The following SLCO1B1 variants were observed in gnomAD, a reference collection of about 807,000 sequenced individuals.
SLCO1B1 encodes OATP-2.
Under a neutral mutation model 70.1 loss-of-function variants are expected in SLCO1B1, and 81 were observed. The ratio of observed to expected loss-of-function variants is 1.16; its 90% CI spans 0.97 to 1.39. The LOEUF (loss-of-function observed/expected upper bound fraction) is 1.39, where lower values mean the gene tolerates loss of function less well. SLCO1B1 is among the 40% of genes most tolerant of loss of function. The pLI is 0.00. For synonymous variants in SLCO1B1, 283 were observed against 271.5 expected, an observed-to-expected ratio of 1.04 and a Z score of -0.42; for missense variants, 895 against 799.6, an observed-to-expected ratio of 1.12 and a Z score of -1.44.
At position 21,222,323 on chromosome 12, in the gene SLCO1B1, C is replaced by A; in HGVS notation, c.1706C>A (p.Ser569Ter). ...AGAATTGTTCAACCTGAATTGAAATCACTTGCACTGGGTTTCCACTCAATG... is the reference window on the plus strand; with the variant it reads ...AGAATTGTTCAACCTGAATTGAAATAACTTGCACTGGGTTTCCACTCAATG... The part of the protein sequence containing the change: ...IVKIVQPELK[S>*]LALGFHSMVI... Residue 569 changes from serine (S) to a stop codon, truncating the protein, a stop_gained, in exon 13 of 15, where the codon TCA (serine) becomes TAA (stop). Coordinates refer to ENST00000256958, the MANE Select transcript of SLCO1B1 (RefSeq NM_006446.5). LOFTEE classifies it high-confidence loss of function. 3 of 1,245,248 alleles carry A rather than the reference C, an allele frequency of 2.4e-6. No homozygotes were observed. The highest frequency in any genetic ancestry group is 3.1e-6 in the Non-Finnish European group (3 of 954,062). The allele number at this position is 1,245,248 out of a possible 1,614,324, so 77.1% of individuals were successfully genotyped here.
chr12:21,135,406 A>G (rs1224381253), intron 1 of SLCO1B1, among the ~76,000 whole-genome samples: 4 of 152,014 alleles, frequency 2.6e-5, no homozygotes, highest in South Asian at 2.1e-4. Context: ...TTTCTGTCTC[A>G]TTGATCTGTC....
Position 21,217,315 on chromosome 12 carries a change from T to A in SLCO1B1, c.1682+12T>A. On this transcript the variant is annotated intron_variant, in intron 12 of 14. Transcript: ENST00000256958. ...ATGCTGATTGTTAAGTAAGTATGAC[T>A]TTTAAAAACATTTTCATATGCATGA... The A allele has an allele frequency of 6.2e-7, 1 of 1,608,208 alleles. No homozygotes were observed. Among genetic ancestry groups the A allele is most frequent in the Non-Finnish European group, 8.5e-7 (1 of 1,174,778 alleles).
intron 1 of SLCO1B1, among the ~76,000 whole-genome samples, chr12:21,138,489 A>G (rs1940259537): frequency 6.6e-6 from 1 of 152,238 alleles, no homozygotes. Context: ...CATTTAGTCA[A>G]GCATAAATTA....
At chr12:21,190,625 T>C (rs537351410) in intron 7 of SLCO1B1, among the ~76,000 whole-genome samples, 1 of 152,218 alleles carries the variant, frequency 6.6e-6, no homozygotes, top group African/African-American at 2.4e-5. Context: ...ACCTGAGTAA[T>C]GTACATTGTA....
At chr12:21,214,727 T>A (rs1326869403) in intron 11 of SLCO1B1, among the ~76,000 whole-genome samples, 1 of 152,142 alleles carries the variant, frequency 6.6e-6, no homozygotes, top group Non-Finnish European at 1.5e-5. Flanking sequence ...TCCATGGGCG[T>A]AGGACCCTCC....
chr12:21,234,963 G>A (rs181077515), intron 14 of SLCO1B1, among the ~76,000 whole-genome samples: 6 of 151,728 alleles, frequency 4.0e-5, no homozygotes, highest in African/African-American at 1.4e-4. Flanking sequence ...CTTAGAATGT[G>A]GTTAGTTTTA....
At chr12:21,214,803 T>G (rs921583281) in intron 11 of SLCO1B1, among the ~76,000 whole-genome samples, 2 of 152,146 alleles carry the variant, frequency 1.3e-5, no homozygotes, top group African/African-American at 4.8e-5. Flanking sequence ...AGCGCAGTAT[T>G]CGGGTGGGAG....
chr12:21,159,839 C>T (rs925133083), intron 2 of SLCO1B1, among the ~76,000 whole-genome samples: 17 of 151,540 alleles, frequency 1.1e-4, no homozygotes, highest in Admixed American at 3.9e-4. Flanking sequence ...ACAGCCAAAC[C>T]GAGAGCCAAA....
chr12:21,176,700 A>G, intron 4 of SLCO1B1, 76 bp from the exon 5 acceptor site: 2 of 1,162,248 alleles, frequency 1.7e-6, no homozygotes, highest in East Asian at 2.4e-5. Flanking sequence ...AAAGGGGAAT[A>G]TTTCTCTGTA....
At chr12:21,193,010 CT>C (rs1410512310) in intron 7 of SLCO1B1, among the ~76,000 whole-genome samples, 1 of 151,934 alleles carries the variant, frequency 6.6e-6, no homozygotes, top group Non-Finnish European at 1.5e-5. Context: ...AAATTTTCTA[CT>C]TTTCTTTTTG....
At chr12:21,231,748 A>C (rs1941541393) in intron 14 of SLCO1B1, among the ~76,000 whole-genome samples, 1 of 151,928 alleles carries the variant, frequency 6.6e-6, no homozygotes, top group Non-Finnish European at 1.5e-5. Context: ...ATACACACAA[A>C]CGTATATGTG....
intron 8 of SLCO1B1, among the ~76,000 whole-genome samples, chr12:21,198,662 A>C (rs1941123073): frequency 6.6e-6 from 1 of 152,130 alleles, no homozygotes; most frequent in African/African-American, 2.4e-5. Context: ...AAAAATATTG[A>C]ATTTATTCCA....
In SLCO1B1 at chr12:21,136,096, G is replaced by T. The variant is rs189348062; in HGVS notation, c.-62+4860G>T. Among the ~76,000 whole-genome samples, 19 of 152,174 alleles carry T rather than the reference G, an allele frequency of 1.2e-4. No individual in the cohort carries two copies. In the East Asian group the frequency reaches 3.7e-3, roughly 29 times the overall value. On this transcript the variant is annotated intron_variant, in intron 1 of 14. Coordinates refer to ENST00000256958, the MANE Select transcript of SLCO1B1 (RefSeq NM_006446.5). The stretch of plus-strand genomic sequence containing the variant: ...GTTTCTCCTTCACTTATGAAGCTTC[G>T]TTTGGCTGGATATGAAATTCTGGGT...
Position 21,172,777 on chromosome 12 carries a change from G to GC in SLCO1B1, c.212_213insC (p.Ser72LysfsTer3), listed in dbSNP as rs1940772039. 1 of 1,612,952 alleles carries GC rather than the reference G, an allele frequency of 6.2e-7. No individual in the cohort carries two copies. Among genetic ancestry groups the GC allele is most frequent in the Admixed American group, 1.7e-5 (1 of 59,936 alleles). On this transcript the variant is annotated frameshift_variant, in exon 3 of 15. Transcript: ENST00000256958. LOFTEE classifies it high-confidence loss of function. ...TCTTCTCTTGTTGGTTTTATTGACG[G>GC]AAGCTTTGAAATTGGTAACATTTAT...
chr12:21,142,474 C>A (rs952796161), intron 2 of SLCO1B1, among the ~76,000 whole-genome samples: 1 of 151,918 alleles, frequency 6.6e-6, no homozygotes, highest in South Asian at 2.1e-4. Context: ...ATAAGGGTCA[C>A]CTTTTATCAA....
At chr12:21,225,645 A>C (rs1003284834) in intron 14 of SLCO1B1, among the ~76,000 whole-genome samples, 3 of 152,342 alleles carry the variant, frequency 2.0e-5, no homozygotes, top group Admixed American at 1.3e-4. Context: ...TGAAAGTATA[A>C]ATTAGGAGAA....
intron 7 of SLCO1B1, among the ~76,000 whole-genome samples, chr12:21,192,304 TTATATTTTC>T (rs531557033): frequency 6.0e-4 from 91 of 152,084 alleles, no homozygotes; most frequent in Non-Finnish European, 1.0e-3. Context: ...GTAAATCTCT[TTATATTTTC>T]TATATTTTCT....
rs545497414 is a variant in SLCO1B1 at position 21,176,298 on chromosome 12, A to G, written c.360-478A>G. On this transcript the variant is annotated intron_variant, in intron 4 of 14. Transcript: ENST00000256958. ...GGATATTAACATCTCTGTTATTCCT[A>G]TCAAGTTTTCTCTCATCTAGTTGAA... is the stretch of plus-strand genomic sequence containing the variant. 7.2e-5 allele frequency among the ~76,000 whole-genome samples: 11 copies of G among 152,190 alleles called. No individual in the cohort carries two copies. The South Asian group carries it at 2.3e-3, about 32-fold the overall frequency.
At chr12:21,142,092 G>T (rs1940318086) in intron 2 of SLCO1B1, among the ~76,000 whole-genome samples, 1 of 150,904 alleles carries the variant, frequency 6.6e-6, no homozygotes, top group African/African-American at 2.4e-5. Flanking sequence ...CAAAAAACAG[G>T]ATTTAAAAAA....
Sources: allele counts gnomAD v4.1 joint callset (sites outside exome capture counted in the v4.1 genomes callset), GRCh38; gene constraint gnomAD v4.1.1; transcripts MANE v1.5; gene names NCBI Gene and HGNC (gene_info 2026-07-23, HGNC 2026-07-21).